The following SUZ12 variants were observed in gnomAD, a reference collection of about 807,000 sequenced individuals.
The protein encoded by SUZ12 is SUZ12 polycomb repressive complex 2 subunit, also known as polycomb protein SUZ12.
In SUZ12, 17 loss-of-function variants were observed where a neutral mutation model predicts 87.3. The observed-to-expected ratio is 0.19, with a 90% CI of 0.13 to 0.29. The LOEUF (loss-of-function observed/expected upper bound fraction) is 0.29, where lower values mean the gene tolerates loss of function less well. Ranked by LOEUF, SUZ12 falls within the 10% of genes least tolerant of loss-of-function variation. The pLI is 1.00. For synonymous variants in SUZ12, 253 were observed against 312.4 expected, an observed-to-expected ratio of 0.81 and a Z score of 2.01; for missense variants, 526 against 912.2, an observed-to-expected ratio of 0.58 and a Z score of 5.45.
At chr17:31,995,878 A>C in intron 14 of SUZ12, 116 bp downstream of exon 14, 1 of 798,544 alleles carries the variant, frequency 1.3e-6, no homozygotes, top group Non-Finnish European at 1.9e-6. Flanking sequence ...AAAAAAAAGG[A>C]ATCCGGAAAT....
chr17:31,946,745 C>T (rs1019548390), intron 3 of SUZ12, among the ~76,000 whole-genome samples: 6 of 152,126 alleles, frequency 3.9e-5, no homozygotes, highest in Non-Finnish European at 5.9e-5. Flanking sequence ...GATTTTTAGA[C>T]TCTTATCTCT....
intron 4 of SUZ12, among the ~76,000 whole-genome samples, chr17:31,950,433 C>G (rs1366135153): frequency 6.6e-6 from 1 of 151,974 alleles, no homozygotes; most frequent in Admixed American, 6.6e-5. Context: ...ACCTATAATC[C>G]CAGCATTTTG....
chr17:31,983,231 C>G, intron 9 of SUZ12, 127 bp downstream of exon 9: 1 of 657,064 alleles, frequency 1.5e-6, no homozygotes, highest in Non-Finnish European at 2.5e-6. Flanking sequence ...TTAAAAAACA[C>G]AAGTAAATGA....
At chr17:31,989,969 G>C (rs1401039498) in intron 10 of SUZ12, among the ~76,000 whole-genome samples, 1 of 146,190 alleles carries the variant, frequency 6.8e-6, no homozygotes, top group Non-Finnish European at 1.5e-5. Flanking sequence ...TTTGTTTGTT[G>C]TTTTCTTTTT....
At chr17:31,966,835 A>G (rs1908118799) in intron 5 of SUZ12, 1 of 152,238 alleles carries the variant, frequency 6.6e-6, no homozygotes, top group South Asian at 2.1e-4. Context: ...TATATGGTAT[A>G]TTACTCCAGT....
intron 4 of SUZ12, among the ~76,000 whole-genome samples, chr17:31,949,811 A>G (rs1480950076): frequency 1.4e-5 from 2 of 145,440 alleles, no homozygotes; most frequent in African/African-American, 2.6e-5. Context: ...AGCCTCCTGA[A>G]TAGCTGGGAA....
chr17:31,965,915 T>C (rs762119897), intron 4 of SUZ12: 7 of 358,380 alleles, frequency 2.0e-5, no homozygotes, highest in Non-Finnish European at 3.6e-5. Context: ...TTCTTACTTT[T>C]TGTGAGTTGT....
intron 13 of SUZ12, 88 bp downstream of exon 13, chr17:31,994,809 C>A: frequency 7.1e-7 from 1 of 1,402,402 alleles, no homozygotes; most frequent in South Asian, 1.4e-5. Flanking sequence ...GCTACTAGTT[C>A]GTTAGGTGGA....
chr17:31,971,656 C>G (rs1368475114), intron 5 of SUZ12, among the ~76,000 whole-genome samples: 1 of 151,922 alleles, frequency 6.6e-6, no homozygotes, highest in Non-Finnish European at 1.5e-5. Flanking sequence ...TCTCAAACTC[C>G]CGGCCTCAGG....
At chr17:31,975,978 CCT>C (rs1254466636) in intron 7 of SUZ12, among the ~76,000 whole-genome samples, 1 of 152,134 alleles carries the variant, frequency 6.6e-6, no homozygotes, top group Non-Finnish European at 1.5e-5. Flanking sequence ...CCTGCCCATC[CCT>C]CTTTTCTTCC....
intron 9 of SUZ12, among the ~76,000 whole-genome samples, chr17:31,986,772 G>A (rs1391187897): frequency 5.9e-5 from 9 of 152,020 alleles, no homozygotes; most frequent in Non-Finnish European, 1.5e-5. Flanking sequence ...GGATGGTCTC[G>A]AACTCCTGAC....
At chr17:31,976,086 C>T (rs377563315) in intron 7 of SUZ12, among the ~76,000 whole-genome samples, 75 of 152,266 alleles carry the variant, frequency 4.9e-4, no homozygotes, top group African/African-American at 1.7e-3. Flanking sequence ...ACATTCAGTC[C>T]TATCCTCCAA....
chr17:31,974,178 C>A (rs1480845721), intron 6 of SUZ12, among the ~76,000 whole-genome samples: 3 of 151,744 alleles, frequency 2.0e-5, no homozygotes, highest in African/African-American at 7.3e-5. Context: ...CCACTGAGCT[C>A]CAGCCTGTGC....
At chr17:31,988,121 G>C (rs1909510075) in intron 9 of SUZ12, among the ~76,000 whole-genome samples, 199 bp from the exon 10 acceptor site, 1 of 152,100 alleles carries the variant, frequency 6.6e-6, no homozygotes, top group African/African-American at 2.4e-5. Flanking sequence ...GACAGCCTGT[G>C]CTCTCCAGTT....
At chr17:31,955,984 C>G (rs113277354) in intron 4 of SUZ12, among the ~76,000 whole-genome samples, 2 of 151,680 alleles carry the variant, frequency 1.3e-5, no homozygotes, top group South Asian at 4.2e-4. Flanking sequence ...CGATCTCGGC[C>G]CACTGCAAGC....
intron 4 of SUZ12, among the ~76,000 whole-genome samples, chr17:31,950,290 TC>T (rs1906887341): frequency 6.6e-6 from 1 of 152,204 alleles, no homozygotes; most frequent in Non-Finnish European, 1.5e-5. Context: ...CTTATTTTTC[TC>T]CTAAACCTAT....
At chr17:31,982,935 G>A (rs1909199029) in intron 8 of SUZ12, 64 bp from the exon 9 acceptor site, 15 of 1,404,984 alleles carry the variant, frequency 1.1e-5, no homozygotes, top group Non-Finnish European at 1.3e-5. Context: ...ATCTAAAGAT[G>A]TAGAATTTGT....
intron 3 of SUZ12, among the ~76,000 whole-genome samples, chr17:31,942,194 A>G (rs925695789): frequency 6.6e-6 from 1 of 151,908 alleles, no homozygotes. Context: ...GAGGATTTAA[A>G]TATTTACTAA....
chr17:31,967,726 G>A (rs1908182763), intron 5 of SUZ12: 1 of 152,172 alleles, frequency 6.6e-6, no homozygotes, highest in African/African-American at 2.4e-5. Flanking sequence ...AATTAGCCAG[G>A]TATGGTGGTA....
Sources: allele counts gnomAD v4.1 joint callset (sites outside exome capture counted in the v4.1 genomes callset), GRCh38; gene constraint gnomAD v4.1.1; transcripts MANE v1.5; gene names NCBI Gene and HGNC (gene_info 2026-07-23, HGNC 2026-07-21).